The following LSMEM2 variants were observed in gnomAD, a reference collection of about 807,000 sequenced individuals.
The protein encoded by LSMEM2 is leucine rich single-pass membrane protein 2, also known as leucine-rich single-pass membrane protein 2.
LSMEM2 carries 20 observed loss-of-function variants against 17.3 expected under a neutral mutation model. That is an observed-to-expected ratio of 1.16 (90% CI 0.81 to 1.68). The LOEUF is 1.68. LSMEM2 is among the 40% of genes most tolerant of loss of function. The pLI is 0.00. For missense variants in LSMEM2, 207 were observed against 214.3 expected, an observed-to-expected ratio of 0.97 and a Z score of 0.21; for synonymous variants, 94 against 97.8, an observed-to-expected ratio of 0.96 and a Z score of 0.23.
chr3:50,283,496 G>A (rs1017104618), intron 1 of LSMEM2, among the ~76,000 whole-genome samples: 15 of 151,246 alleles, frequency 9.9e-5, no homozygotes, highest in African/African-American at 1.5e-4. Context: ...GCATGGCAGC[G>A]GACGCCTGTA....
chr3:50,287,272 T>G lies in LSMEM2; in HGVS notation c.*70T>G, dbSNP rs1553708759. The G allele has an allele frequency of 1.9e-6, 3 of 1,580,524 alleles. No individual in the cohort carries two copies. The highest frequency in any genetic ancestry group is 1.4e-5 in the African/African-American group (1 of 74,032). On this transcript the variant is annotated 3_prime_UTR_variant, in exon 4 of 4. Coordinates refer to ENST00000316436, the MANE Select transcript of LSMEM2 (RefSeq NM_153215.3). Reference sequence around the variant, plus strand: ...AATAAAGTGGCTATGGGCAGGTCTCTCCTTCCCTACTGCTGGCTGCCACAT... The same window carrying G: ...AATAAAGTGGCTATGGGCAGGTCTCGCCTTCCCTACTGCTGGCTGCCACAT...
At chr3:50,285,440 G>A (rs1187154607) in intron 1 of LSMEM2, among the ~76,000 whole-genome samples, 1 of 151,822 alleles carries the variant, frequency 6.6e-6, no homozygotes, top group African/African-American at 2.4e-5. Flanking sequence ...AGGAGTTCCA[G>A]ACCAGCCTGG....
intron 1 of LSMEM2, among the ~76,000 whole-genome samples, chr3:50,282,593 A>G (rs1553707898): frequency 6.6e-6 from 1 of 152,142 alleles, no homozygotes; most frequent in Non-Finnish European, 1.5e-5. Flanking sequence ...AGAAAATATA[A>G]TTAAATATTG....
At chr3:50,285,813 G>A (rs1701505279) in intron 1 of LSMEM2, among the ~76,000 whole-genome samples, 1 of 152,168 alleles carries the variant, frequency 6.6e-6, no homozygotes, top group Non-Finnish European at 1.5e-5. Context: ...TTGCGCTCCA[G>A]CCTGGGCAAC....
rs1458750821 is a variant in LSMEM2 at position 50,287,231 on chromosome 3, T to G, written c.*29T>G. 3.1e-6 allele frequency: 5 copies of G among 1,597,870 alleles called. No homozygotes were observed. The highest frequency in any genetic ancestry group is 2.4e-5 in the East Asian group (1 of 41,714). On this transcript the variant is annotated 3_prime_UTR_variant, in exon 4 of 4. Coordinates refer to ENST00000316436, the MANE Select transcript of LSMEM2 (RefSeq NM_153215.3). Reference sequence around the variant, plus strand: ...GCCATTTGGATCTGGGGCCTGGGGGTGTGTGTTGGTGGGGGAATAAAGTGG... The same window carrying G: ...GCCATTTGGATCTGGGGCCTGGGGGGGTGTGTTGGTGGGGGAATAAAGTGG...
chr3:50,279,879 T>C (rs1553707542), intron 1 of LSMEM2, among the ~76,000 whole-genome samples: 1 of 137,312 alleles, frequency 7.3e-6, no homozygotes, highest in African/African-American at 2.7e-5. Flanking sequence ...CATTTTCAAC[T>C]TTTTTTTTTT....
chr3:50,286,329 A>C, intron 1 of LSMEM2, 142 bp from the exon 2 acceptor site: 5 of 1,266,224 alleles, frequency 3.9e-6, no homozygotes, highest in Admixed American at 2.8e-5. Context: ...ATCAAGGGTA[A>C]TTCCTGAGTC....
chr3:50,280,646 T>A, intron 1 of LSMEM2, among the ~76,000 whole-genome samples: 1 of 148,400 alleles, frequency 6.7e-6, no homozygotes, highest in Middle Eastern at 3.5e-3. Flanking sequence ...CAGGCTGGAG[T>A]GCAGTGGCGC....
intron 1 of LSMEM2, among the ~76,000 whole-genome samples, chr3:50,283,626 C>CAAA (rs782534727): frequency 7.5e-5 from 4 of 53,596 alleles, no homozygotes; most frequent in Non-Finnish European, 1.1e-4. Context: ...GACTCCATCT[C>CAAA]AAAAAAAAAA....
chr3:50,284,530 G>A (rs1283139171), intron 1 of LSMEM2, among the ~76,000 whole-genome samples: 1 of 151,068 alleles, frequency 6.6e-6, no homozygotes, highest in African/African-American at 2.4e-5. Flanking sequence ...AGGAGCTCGA[G>A]ACCAGCCTGG....
upstream of LSMEM2, among the ~76,000 whole-genome samples, chr3:50,277,914 C>T (rs1248332010): frequency 6.6e-6 from 1 of 152,108 alleles, no homozygotes; most frequent in African/African-American, 2.4e-5. Context: ...TTGCAGTGAG[C>T]CGAGATCGCC....
In LSMEM2 at chr3:50,287,058, C is replaced by G. The variant is rs782209885; in HGVS notation, c.362-11C>G. On this transcript the variant is annotated splice_polypyrimidine_tract_variant and intron_variant, in intron 3 of 3. Transcript: ENST00000316436. The stretch of plus-strand genomic sequence containing the variant: ...CACATGGTCTGATGATCCCCCACTT[C>G]CCATTCACAGTGCTGCAGAGTGAAT... The G allele has an allele frequency of 6.2e-7, 1 of 1,613,896 alleles. No homozygotes were observed. The highest frequency in any genetic ancestry group is 1.1e-5 in the South Asian group (1 of 91,080).
chr3:50,278,710 G>C (rs1365276404), upstream of LSMEM2, among the ~76,000 whole-genome samples: 4 of 152,224 alleles, frequency 2.6e-5, no homozygotes, highest in African/African-American at 9.6e-5. Context: ...TGCTGTGTTT[G>C]CTGGGAGGAG....
chr3:50,284,044 A>G (rs1436578567), intron 1 of LSMEM2, among the ~76,000 whole-genome samples: 3 of 151,908 alleles, frequency 2.0e-5, no homozygotes, highest in Admixed American at 1.3e-4. Flanking sequence ...GGTCTCTACT[A>G]AAAATACAAA....
chr3:50,279,442 T>TCAA (rs1453733360), intron 1 of LSMEM2, among the ~76,000 whole-genome samples: 10 of 152,100 alleles, frequency 6.6e-5, no homozygotes, highest in African/African-American at 2.2e-4. Flanking sequence ...TAGGAGTGGG[T>TCAA]CAACTACAGG....
chr3:50,284,810 C>T (rs1303214958), intron 1 of LSMEM2, among the ~76,000 whole-genome samples: 3 of 149,736 alleles, frequency 2.0e-5, no homozygotes, highest in East Asian at 4.0e-4. Context: ...CTGAGGCGGG[C>T]GGATCACTTG....
Position 50,287,853 on chromosome 3 carries a change from G to GCCA in LSMEM2, c.*657_*659dup, listed in dbSNP as rs1701585934. ...CTGCTGTGGTGGCATTTGTCCAGAT[G>GCCA]CCACCACCCCCCTAAGAGTGGGTCA... On this transcript the variant is annotated 3_prime_UTR_variant, in exon 4 of 4. Transcript: ENST00000316436. 9.5e-6 allele frequency: 3 copies of GCCA among 315,552 alleles called. No individual in the cohort carries two copies. The South Asian group carries it at 1.3e-4, about 14-fold the overall frequency. The allele number at this position is 315,552 out of a possible 1,614,324, so 19.5% of individuals were successfully genotyped here.
At chr3:50,279,741 G>C (rs782280759) in intron 1 of LSMEM2, among the ~76,000 whole-genome samples, 43 of 152,130 alleles carry the variant, frequency 2.8e-4, no homozygotes, top group Non-Finnish European at 5.0e-4. Flanking sequence ...ATGCTCAGAG[G>C]GGCCAGGGCA....
chr3:50,285,416 G>T (rs1374091772), intron 1 of LSMEM2, among the ~76,000 whole-genome samples: 2 of 151,680 alleles, frequency 1.3e-5, no homozygotes, highest in Admixed American at 1.3e-4. Flanking sequence ...GAGGCGGGCA[G>T]ATCACTTGAG....
Sources: gnomAD v4.1 joint callset for allele counts (sites outside exome capture counted in the v4.1 genomes callset) on GRCh38, gnomAD v4.1.1 for gene constraint, MANE v1.5 for transcripts, NCBI Gene and HGNC (gene_info 2026-07-23, HGNC 2026-07-21) for gene names.